Variants in SAMMSON observed in about 807,000 individuals in gnomAD.
The protein encoded by SAMMSON is survival associated mitochondrial melanoma specific oncogenic non-coding RNA.
intron 4 of SAMMSON, among the ~76,000 whole-genome samples, chr3:70,149,907 G>C (rs2067564296): frequency 6.6e-6 from 1 of 151,990 alleles, no homozygotes; most frequent in African/African-American, 2.4e-5. Flanking sequence ...CTACTCTTCA[G>C]CTCTTATGTG....
At chr3:70,377,307 A>C (rs1254467460) in intron 9 of SAMMSON, among the ~76,000 whole-genome samples, 1 of 152,134 alleles carries the variant, frequency 6.6e-6, no homozygotes, top group Non-Finnish European at 1.5e-5. Flanking sequence ...ACATAGAAAG[A>C]GACACATATT....
Position 70,012,140 on chromosome 3 carries a change from AGCTTGAAG to A in SAMMSON, n.23-216_23-209del, listed in dbSNP as rs1430501157. Among the ~76,000 whole-genome samples, 9 of 152,212 alleles carry A rather than the reference AGCTTGAAG, an allele frequency of 5.9e-5. No individual in the cohort carries two copies. In the East Asian group the frequency reaches 1.7e-3, roughly 29 times the overall value. On this transcript the variant is annotated intron_variant and non_coding_transcript_variant, in intron 1 of 9. Transcript: ENST00000642114. ...ATGTGACTCCAAACTGAAATCATGA[AGCTTGAAG>A]TTATTTTCAAGCAGCAGTGTCTGTT...
intron 4 of SAMMSON, among the ~76,000 whole-genome samples, chr3:70,164,473 T>G (rs1255763827): frequency 1.3e-5 from 2 of 152,098 alleles, no homozygotes; most frequent in Non-Finnish European, 2.9e-5. Context: ...TGAATAGTAC[T>G]TATTGCATGA....
At chr3:70,254,753 T>C (rs1392862960) in intron 6 of SAMMSON, among the ~76,000 whole-genome samples, 1 of 152,220 alleles carries the variant, frequency 6.6e-6, no homozygotes, top group East Asian at 1.9e-4. Context: ...ATAGAGATAT[T>C]CTATCACCTC....
chr3:70,169,050 G>A (rs1234041701), intron 4 of SAMMSON, among the ~76,000 whole-genome samples: 1 of 151,872 alleles, frequency 6.6e-6, no homozygotes, highest in Non-Finnish European at 1.5e-5. Flanking sequence ...GTATCTAGCT[G>A]GGGAGAAAGA....
chr3:70,323,533 C>T (rs556620295), intron 7 of SAMMSON, among the ~76,000 whole-genome samples: 2 of 152,264 alleles, frequency 1.3e-5, no homozygotes, highest in South Asian at 4.1e-4. Context: ...CTGCAGAACT[C>T]CAGGGTGTGT....
chr3:70,400,627 G>C (rs1473541289), intron 2 of SAMMSON, among the ~76,000 whole-genome samples: 1 of 152,102 alleles, frequency 6.6e-6, no homozygotes, highest in Non-Finnish European at 1.5e-5. Context: ...TCAGACATGT[G>C]GCAAGAATTA....
intron 1 of SAMMSON, among the ~76,000 whole-genome samples, chr3:70,012,105 G>A (rs1470580842): frequency 2.0e-5 from 3 of 152,092 alleles, no homozygotes; most frequent in South Asian, 2.1e-4. Flanking sequence ...TCCAGAGCTG[G>A]AGGAAAGAGA....
chr3:70,073,236 C>T (rs538343043), intron 4 of SAMMSON, among the ~76,000 whole-genome samples: 13 of 151,986 alleles, frequency 8.6e-5, no homozygotes, highest in African/African-American at 2.4e-4. Flanking sequence ...TGTGCAGGTA[C>T]AGTATAAAAA....
At position 70,185,513 on chromosome 3, in the gene SAMMSON, G is replaced by T. The variant is rs115588911; in HGVS notation, n.508-63594G>T. ...TTGAAAGCCTGGCATAGAATATCTA[G>T]CTATTGTATAAGTTTTATAGGACAA... On this transcript the variant is annotated intron_variant and non_coding_transcript_variant, in intron 4 of 9. Transcript: ENST00000642114. 3.3e-3 allele frequency among the ~76,000 whole-genome samples: 495 copies of T among 152,244 alleles called. 3 individuals are homozygous for T. The highest frequency in any genetic ancestry group is 0.011 in the African/African-American group (472 of 41,556).
intron 4 of SAMMSON, chr3:70,204,350 C>T (rs76480237): frequency 2.6e-5 from 4 of 152,106 alleles, no homozygotes; most frequent in Admixed American, 6.6e-5. Flanking sequence ...CAATTACTAT[C>T]GAAAATTCTC....
intron 4 of SAMMSON, among the ~76,000 whole-genome samples, chr3:70,118,944 G>C (rs139329326): frequency 2.6e-5 from 4 of 152,190 alleles, no homozygotes; most frequent in African/African-American, 7.2e-5. Flanking sequence ...TTGAATATAT[G>C]GACCATTTCC....
intron 2 of SAMMSON, among the ~76,000 whole-genome samples, chr3:70,400,631 A>G (rs1701132433): frequency 6.6e-6 from 1 of 152,176 alleles, no homozygotes; most frequent in Non-Finnish European, 1.5e-5. Flanking sequence ...ACATGTGGCA[A>G]GAATTAGAGG....
intron 7 of SAMMSON, among the ~76,000 whole-genome samples, chr3:70,306,531 A>G (rs1425587735): frequency 1.3e-5 from 2 of 152,192 alleles, no homozygotes; most frequent in South Asian, 2.1e-4. Flanking sequence ...CCTTCCTGGC[A>G]TGGATGGAAG....
intron 4 of SAMMSON, among the ~76,000 whole-genome samples, chr3:70,145,506 T>G (rs2067544862): frequency 1.3e-5 from 2 of 152,054 alleles, no homozygotes; most frequent in Non-Finnish European, 2.9e-5. Flanking sequence ...AAATGCTCTC[T>G]GAATACAATG....
At chr3:70,038,179 G>A (rs752900106) in intron 3 of SAMMSON, among the ~76,000 whole-genome samples, 6 of 152,304 alleles carry the variant, frequency 3.9e-5, no homozygotes, top group Non-Finnish European at 7.4e-5. Context: ...ATGTGGCAGT[G>A]TTGTGTGATA....
At chr3:70,266,878 G>T (rs943473030) in intron 6 of SAMMSON, among the ~76,000 whole-genome samples, 3 of 152,176 alleles carry the variant, frequency 2.0e-5, no homozygotes, top group African/African-American at 7.2e-5. Flanking sequence ...GGAATCATTC[G>T]TCTGACACAT....
chr3:70,213,605 GT>G (rs1377861635), intron 4 of SAMMSON, among the ~76,000 whole-genome samples: 1 of 152,112 alleles, frequency 6.6e-6, no homozygotes, highest in Non-Finnish European at 1.5e-5. Flanking sequence ...ATTGTGGTTA[GT>G]AAAAGGAGTT....
chr3:70,126,310 G>A, intron 4 of SAMMSON: 1 of 1,178,628 alleles, frequency 8.5e-7, no homozygotes, highest in Admixed American at 2.1e-5. Flanking sequence ...ACTTGATCTT[G>A]CTCTTTTGCA....
Sources: gnomAD v4.1 joint callset for allele counts (sites outside exome capture counted in the v4.1 genomes callset) on GRCh38, gnomAD v4.1.1 for gene constraint, MANE v1.5 for transcripts, NCBI Gene and HGNC (gene_info 2026-07-23, HGNC 2026-07-21) for gene names.